Variants in LITAF observed in about 807,000 individuals in gnomAD.
LITAF encodes the protein lipopolysaccharide induced TNF factor.
In LITAF, 9 loss-of-function variants were observed where a neutral mutation model predicts 14.5. The observed-to-expected ratio is 0.62, with a 90% CI of 0.37 to 1.08. The LOEUF is 1.08. LITAF is among the 50% of genes least tolerant of loss of function. The pLI is 0.01. For missense variants in LITAF, 206 were observed against 213.4 expected (o/e 0.97, Z 0.22); for synonymous variants, 98 against 88.2 (o/e 1.11, Z -0.62).
chr16:11,621,023 G>T (rs1187583655), intron 3 of LITAF, among the ~76,000 whole-genome samples: 1 of 151,948 alleles, frequency 6.6e-6, no homozygotes, highest in East Asian at 1.9e-4. Flanking sequence ...AGTCTCCTGA[G>T]TAGCTGGGAC....
At chr16:11,573,667 C>T (rs1365779655) in intron 1 of LITAF, among the ~76,000 whole-genome samples, 1 of 150,886 alleles carries the variant, frequency 6.6e-6, no homozygotes, top group Non-Finnish European at 1.5e-5. Flanking sequence ...TTGTAGTGTG[C>T]CACCATTTGT....
At chr16:11,628,355 T>G (rs756927482) in intron 3 of LITAF, among the ~76,000 whole-genome samples, 1 of 152,118 alleles carries the variant, frequency 6.6e-6, no homozygotes, top group African/African-American at 2.4e-5. Context: ...TTTCTAGAGT[T>G]CCAAGTAAAC....
intron 1 of LITAF, among the ~76,000 whole-genome samples, chr16:11,576,828 T>C (rs540340945): frequency 6.6e-6 from 1 of 152,326 alleles, no homozygotes; most frequent in Admixed American, 6.5e-5. Context: ...ATGATAAATA[T>C]ATACCTTATT....
At chr16:11,616,976 T>C (rs1186483026) in intron 3 of LITAF, among the ~76,000 whole-genome samples, 1 of 150,714 alleles carries the variant, frequency 6.6e-6, no homozygotes, top group East Asian at 2.0e-4. Context: ...TCCCAACACT[T>C]TGGGAGGCCG....
chr16:11,567,374 C>T (rs1353845031), intron 1 of LITAF, among the ~76,000 whole-genome samples: 2 of 150,728 alleles, frequency 1.3e-5, no homozygotes, highest in African/African-American at 2.4e-5. Flanking sequence ...GAGCTGAGAT[C>T]GTGCCACTGC....
chr16:11,575,063 A>G lies in LITAF; in HGVS notation c.-6+11823T>C, dbSNP rs190473261. Among the ~76,000 whole-genome samples, 1,208 of 152,252 alleles carry G rather than the reference A, an allele frequency of 7.9e-3. 18 individuals carry two copies. The highest frequency in any genetic ancestry group is 0.01 in the Non-Finnish European group (689 of 68,016). ...AGTGATCCGCCCACCTCGGCCTCCC[A>G]AAGTGCTGGCATTACAGGCGTGAGC... On this transcript the variant is annotated intron_variant, in intron 1 of 3. Coordinates refer to ENST00000622633, the MANE Select transcript of LITAF (RefSeq NM_001136472.2).
intron 1 of LITAF, among the ~76,000 whole-genome samples, chr16:11,576,446 G>C (rs1358668498): frequency 6.7e-6 from 1 of 149,286 alleles, no homozygotes; most frequent in African/African-American, 2.5e-5. Flanking sequence ...TCCAGCCTAG[G>C]CAACAGAGCA....
chr16:11,623,597 T>C (rs1348805605), intron 3 of LITAF, among the ~76,000 whole-genome samples: 2 of 150,832 alleles, frequency 1.3e-5, no homozygotes, highest in East Asian at 2.0e-4. Context: ...GAGGCAGAGG[T>C]TGTGGTGAGC....
At chr16:11,578,959 C>T (rs976940314) in intron 1 of LITAF, among the ~76,000 whole-genome samples, 8 of 152,164 alleles carry the variant, frequency 5.3e-5, no homozygotes, top group South Asian at 2.1e-4. Flanking sequence ...GAGGCCGAGG[C>T]GGGTGGGTCA....
chr16:11,566,795 TAA>T (rs568347672), intron 1 of LITAF, among the ~76,000 whole-genome samples: 15 of 142,544 alleles, frequency 1.1e-4, no homozygotes, highest in East Asian at 2.0e-4. Context: ...TACCTTGGGT[TAA>T]AAAAAAAAAA....
intron 1 of LITAF, among the ~76,000 whole-genome samples, chr16:11,592,304 G>A (rs190150944): frequency 2.7e-4 from 41 of 152,248 alleles, no homozygotes; most frequent in Admixed American, 9.2e-4. Flanking sequence ...GGCTGGGTGC[G>A]GTGGCTCACG....
At chr16:11,587,997 G>A (rs540294353), upstream of LITAF, among the ~76,000 whole-genome samples, 1 of 152,242 alleles carries the variant, frequency 6.6e-6, no homozygotes, top group South Asian at 2.1e-4. Context: ...AAGATAGTGA[G>A]GCCCAGATAG....
At chr16:11,621,852 C>A (rs1011797284) in intron 3 of LITAF, among the ~76,000 whole-genome samples, 5 of 152,076 alleles carry the variant, frequency 3.3e-5, no homozygotes, top group African/African-American at 1.2e-4. Flanking sequence ...TCTCAGAGCT[C>A]CGGGGCAATG....
intron 1 of LITAF, among the ~76,000 whole-genome samples, chr16:11,574,871 T>C (rs1374615867): frequency 1.1e-5 from 1 of 87,062 alleles, no homozygotes; most frequent in Non-Finnish European, 2.3e-5. Context: ...GGCGTGACCT[T>C]GGCTCACTGC....
intron 1 of LITAF, among the ~76,000 whole-genome samples, chr16:11,577,132 G>T (rs2064648881): frequency 6.6e-6 from 1 of 152,006 alleles, no homozygotes; most frequent in African/African-American, 2.4e-5. Flanking sequence ...TTCCCTAACT[G>T]GACCATATTA....
chr16:11,574,138 C>G (rs1836214007), intron 1 of LITAF, among the ~76,000 whole-genome samples: 1 of 151,834 alleles, frequency 6.6e-6, no homozygotes, highest in Admixed American at 6.6e-5. Context: ...AGCTCCCAGG[C>G]TCAAGCGATC....
intron 1 of LITAF, among the ~76,000 whole-genome samples, chr16:11,581,051 C>G (rs1229018703): frequency 1.3e-5 from 2 of 152,256 alleles, no homozygotes; most frequent in African/African-American, 4.8e-5. Context: ...AGGCATGAGC[C>G]ACCACGCCCA....
At chr16:11,577,821 C>T (rs1331610813) in intron 1 of LITAF, among the ~76,000 whole-genome samples, 2 of 152,058 alleles carry the variant, frequency 1.3e-5, no homozygotes, top group Admixed American at 1.3e-4. Context: ...GCCTCCTGGG[C>T]TCAAGCGATC....
upstream of LITAF, among the ~76,000 whole-genome samples, chr16:11,587,914 G>T (rs2064824312): frequency 6.6e-6 from 1 of 152,148 alleles, no homozygotes; most frequent in Non-Finnish European, 1.5e-5. Flanking sequence ...GAGCTTCCGA[G>T]CCCCATGCTG....
Sources: allele counts gnomAD v4.1 joint callset (sites outside exome capture counted in the v4.1 genomes callset), GRCh38; gene constraint gnomAD v4.1.1; transcripts MANE v1.5; gene names NCBI Gene and HGNC (gene_info 2026-07-23, HGNC 2026-07-21).